Variants in LZIC observed in about 807,000 individuals in gnomAD.
The protein encoded by LZIC is leucine zipper and CTNNBIP1 domain containing.
A neutral mutation model predicts 25.4 loss-of-function variants in LZIC; 28 were observed. That is an observed-to-expected ratio of 1.10 (90% CI 0.82 to 1.51). LZIC has a LOEUF of 1.51. Ranked by LOEUF, LZIC falls within the 40% of genes most tolerant of loss-of-function variation. LZIC has a pLI of 0.00. For missense variants in LZIC, 170 were observed against 211.1 expected (o/e 0.81, Z 1.21); for synonymous variants, 65 against 70.7 (o/e 0.92, Z 0.40).
chr1:9,926,028 G>C (rs1639972906), downstream of LZIC, among the ~76,000 whole-genome samples: 1 of 151,314 alleles, frequency 6.6e-6, no homozygotes, highest in African/African-American at 2.4e-5. Context: ...TGAGTAGCTG[G>C]GACTACAGGC....
rs1570622430 is a variant in LZIC, at chr1:9,927,585, G to T, written c.*2814C>A. Among the ~76,000 whole-genome samples, 1 of 151,568 alleles carries T rather than the reference G, an allele frequency of 6.6e-6. No homozygotes were observed. The highest frequency in any genetic ancestry group is 1.9e-4 in the East Asian group (1 of 5,148). ...CAGAGTTCTGAGATTACATGCGTGA[G>T]CCACTGTGCCAGGCATTAGGTCCCT... On this transcript the variant is annotated 3_prime_UTR_variant, in exon 8 of 8. Coordinates refer to ENST00000377223, the MANE Select transcript of LZIC (RefSeq NM_032368.5).
chr1:9,940,118 CAA>C (rs921817958), intron 2 of LZIC, among the ~76,000 whole-genome samples: 1 of 146,574 alleles, frequency 6.8e-6, no homozygotes, highest in Admixed American at 6.8e-5. Context: ...GACTCCTACT[CAA>C]AAAAAAACAA....
downstream of LZIC, among the ~76,000 whole-genome samples, chr1:9,924,149 G>A (rs1639925352): frequency 1.3e-5 from 2 of 151,864 alleles, no homozygotes; most frequent in South Asian, 4.2e-4. Flanking sequence ...GCCTCCCAAA[G>A]TGCTGGGATT....
Position 9,936,740 on chromosome 1 carries a change from G to A in LZIC, c.-8-113C>T, listed in dbSNP as rs72858100. On this transcript the variant is annotated intron_variant, in intron 2 of 7. Transcript: ENST00000377223. Reference sequence around the variant, plus strand: ...TCACTATGTTGCCCAGGCTGGTCTCGGAACATCTGGCCTAAAGTGACCCTC... The same window carrying A: ...TCACTATGTTGCCCAGGCTGGTCTCAGAACATCTGGCCTAAAGTGACCCTC... 2.9e-3 allele frequency: 2,007 copies of A among 697,518 alleles called. 31 individuals are homozygous for A. The African/African-American group carries it at 0.032, about 11-fold the overall frequency. 43.2% of individuals were successfully genotyped at this position (697,518 alleles called of 1,614,324 possible).
At position 9,930,939 on chromosome 1, in the gene LZIC, G is replaced by A. The variant is rs572546140; in HGVS notation, c.515-482C>T. Among the ~76,000 whole-genome samples the A allele has an allele frequency of 8.4e-4, 127 of 151,832 alleles. 2 individuals carry two copies. In the South Asian group the frequency reaches 0.018, roughly 21 times the overall value. On this transcript the variant is annotated intron_variant, in intron 7 of 7. Transcript: ENST00000377223. ...TCACCCTGTTGGCCGGGCTGGTCTC[G>A]AACTCCTGACCTCAGGTGATCCACC...
intron 4 of LZIC, 44 bp downstream of exon 4, chr1:9,935,447 CA>C: frequency 1.3e-6 from 2 of 1,547,070 alleles, no homozygotes; most frequent in Admixed American, 2.2e-5. Context: ...CAAGAACAAA[CA>C]AAAAAACAAA....
Position 9,926,477 on chromosome 1 carries a change from A to T in LZIC, c.*3922T>A, listed in dbSNP as rs995878367. 3.9e-5 allele frequency among the ~76,000 whole-genome samples: 6 copies of T among 152,182 alleles called. No individual in the cohort carries two copies. The highest frequency in any genetic ancestry group is 3.9e-4 in the Admixed American group (6 of 15,266). On this transcript the variant is annotated 3_prime_UTR_variant, in exon 8 of 8. Transcript: ENST00000377223. ...AGAAGATCTAAAAATCAAAGTTAAC[A>T]ACCCATTTGTCCCAACTCTAACTCT...
At position 9,926,884 on chromosome 1, in the gene LZIC, T is replaced by C. The variant is rs1640002814; in HGVS notation, c.*3515A>G. 6.6e-6 allele frequency among the ~76,000 whole-genome samples: 1 copy of C among 152,226 alleles called. No individual in the cohort carries two copies. Among genetic ancestry groups the C allele is most frequent in the Non-Finnish European group, 1.5e-5 (1 of 68,050 alleles). ...AAGTCATTTAATAACTATAATTGCA[T>C]AGAATTTACTCACTTTTCAAATACT... On this transcript the variant is annotated 3_prime_UTR_variant, in exon 8 of 8. Transcript: ENST00000377223.
rs1408193916 is a variant in LZIC, at chr1:9,932,840, A to G, written c.395T>C (p.Val132Ala). The part of the protein sequence containing the change: ...LERDLYTQQK[V>A]EILTALRKLG... ...TTTCCTAAGAGCTGTTAGTATCTCC[A>G]CTTTCTGTTGAGTGTACAGGTCTCT... The change falls in exon 6 of 8, where the codon GTG becomes GCG. Residue 132 changes from valine to alanine, a missense_variant. Physicochemically the swap from Val to Ala is moderately conservative, Grantham distance 64. Transcript: ENST00000377223. The G allele has an allele frequency of 1.2e-6, 2 of 1,612,630 alleles. No homozygotes were observed. Among genetic ancestry groups the G allele is most frequent in the East Asian group, 4.5e-5 (2 of 44,886 alleles).
rs1405347934 is a variant in LZIC at position 9,930,368 on chromosome 1, T to A, written c.*31A>T. ...AGAAAGACACCATTTACATTAAGAA[T>A]GTGATCAATGTTACAAGCTTCTGCA... is the stretch of plus-strand genomic sequence containing the variant. On this transcript the variant is annotated 3_prime_UTR_variant, in exon 8 of 8. Coordinates refer to ENST00000377223, the MANE Select transcript of LZIC (RefSeq NM_032368.5). 7.5e-6 allele frequency: 12 copies of A among 1,607,314 alleles called. No homozygotes were observed. The Admixed American group carries it at 1.9e-4, about 25-fold the overall frequency.
In LZIC at chr1:9,929,767, G is replaced by A; in HGVS notation, c.*632C>T. The A allele has an allele frequency of 1.0e-6, 1 of 984,716 alleles. No homozygotes were observed. Among genetic ancestry groups the A allele is most frequent in the Non-Finnish European group, 1.2e-6 (1 of 829,308 alleles). The allele number at this position is 984,716 out of a possible 1,614,324, so 61.0% of individuals were successfully genotyped here. On this transcript the variant is annotated 3_prime_UTR_variant, in exon 8 of 8. Coordinates refer to ENST00000377223, the MANE Select transcript of LZIC (RefSeq NM_032368.5). The stretch of plus-strand genomic sequence containing the variant: ...GGGACACTGAATTTTCAAAAACACT[G>A]ACTTGCACAAATAGTGTTAATTATT...
intron 2 of LZIC, among the ~76,000 whole-genome samples, chr1:9,941,163 T>C (rs1009624540): frequency 1.3e-4 from 18 of 142,510 alleles, no homozygotes; most frequent in Non-Finnish European, 7.8e-5. Context: ...AGTAGGGATT[T>C]TACCTTTTCT....
chr1:9,922,532 C>T (rs948753150), downstream of LZIC, among the ~76,000 whole-genome samples: 4 of 152,186 alleles, frequency 2.6e-5, no homozygotes, highest in Admixed American at 6.6e-5. Flanking sequence ...GATAAAAAGG[C>T]GCTTACATAG....
chr1:9,931,422 C>A (rs1265898000), intron 7 of LZIC, among the ~76,000 whole-genome samples: 1 of 152,144 alleles, frequency 6.6e-6, no homozygotes, highest in Non-Finnish European at 1.5e-5. Flanking sequence ...ACCACCACAC[C>A]CAGCTAATTT....
intron 2 of LZIC, among the ~76,000 whole-genome samples, chr1:9,941,540 GC>G (rs1640736032): frequency 7.7e-6 from 1 of 130,636 alleles, no homozygotes; most frequent in African/African-American, 3.0e-5. Flanking sequence ...TCACTCTGTC[GC>G]CAGGCTGGAG....
In LZIC at chr1:9,931,882, G is replaced by A. The variant is rs755051066; in HGVS notation, c.514+9C>T. On this transcript the variant is annotated intron_variant, in intron 7 of 7. Transcript: ENST00000377223. ...TACGACCAGCTTTCAGAAATATGAG[G>A]GCACTCACCAAGGTCTGTAGAGACT... 20 of 1,598,032 alleles carry A rather than the reference G, an allele frequency of 1.3e-5. No individual in the cohort carries two copies. Among genetic ancestry groups the A allele is most frequent in the Non-Finnish European group, 1.7e-5 (20 of 1,168,516 alleles).
In LZIC at chr1:9,929,988, A is replaced by T. The variant is rs1288837769; in HGVS notation, c.*411T>A. On this transcript the variant is annotated 3_prime_UTR_variant, in exon 8 of 8. Coordinates refer to ENST00000377223, the MANE Select transcript of LZIC (RefSeq NM_032368.5). ...TGTAAAATTCTATGAACACTTATGA[A>T]GTCTATTGAGCTTGCGTCACTGTTC... is the stretch of plus-strand genomic sequence containing the variant. 6 of 988,548 alleles carry T rather than the reference A, an allele frequency of 6.1e-6. No individual in the cohort carries two copies. Among genetic ancestry groups the T allele is most frequent in the Admixed American group, 5.9e-5 (1 of 17,018 alleles). 61.2% of individuals were successfully genotyped at this position (988,548 alleles called of 1,614,324 possible).
At position 9,930,276 on chromosome 1, in the gene LZIC, T is replaced by C; in HGVS notation, c.*123A>G. 6.5e-7 allele frequency: 1 copy of C among 1,542,732 alleles called. No individual in the cohort carries two copies. Among genetic ancestry groups the C allele is most frequent in the Non-Finnish European group, 8.7e-7 (1 of 1,148,230 alleles). ...AGCCATAAGTATATTTTTATGTCGC[T>C]TTTTCTTAGGTTATTGATGCATTTC... On this transcript the variant is annotated 3_prime_UTR_variant, in exon 8 of 8. Coordinates refer to ENST00000377223, the MANE Select transcript of LZIC (RefSeq NM_032368.5).
In LZIC at chr1:9,927,929, TCCTGAAGTG is replaced by T. The variant is rs1217171993; in HGVS notation, c.*2461_*2469del. 6.6e-6 allele frequency among the ~76,000 whole-genome samples: 1 copy of T among 151,988 alleles called. No homozygotes were observed. The highest frequency in any genetic ancestry group is 1.5e-5 in the Non-Finnish European group (1 of 67,982). ...ATCTTGTGATCCGCCCGCCTTGGCC[TCCTGAAGTG>T]CTGGGATTACAGGTGTGAGCCACTG... On this transcript the variant is annotated 3_prime_UTR_variant, in exon 8 of 8. Transcript: ENST00000377223.
Sources: allele counts gnomAD v4.1 joint callset (sites outside exome capture counted in the v4.1 genomes callset), GRCh38; gene constraint gnomAD v4.1.1; transcripts MANE v1.5; gene names NCBI Gene and HGNC (gene_info 2026-07-23, HGNC 2026-07-21).